RSBN1L: variants seen among roughly 807,000 people sequenced by gnomAD.
RSBN1L encodes the protein round spermatid basic protein 1 like, also known as lysine-specific demethylase RSBN1L.
Under a neutral mutation model 67.7 loss-of-function variants are expected in RSBN1L, and 30 were observed. The observed-to-expected ratio is 0.44, with a 90% CI of 0.33 to 0.60. RSBN1L has a LOEUF of 0.60. RSBN1L is among the 20% of genes least tolerant of loss of function. RSBN1L has a pLI of 0.02. For synonymous variants in RSBN1L, 433 were observed against 387.0 expected, an observed-to-expected ratio of 1.12 and a Z score of -1.39; for missense variants, 992 against 1,031.7, an observed-to-expected ratio of 0.96 and a Z score of 0.53.
intron 2 of RSBN1L, among the ~76,000 whole-genome samples, chr7:77,739,957 G>T (rs1265154140): frequency 6.6e-6 from 1 of 150,982 alleles, no homozygotes; most frequent in Admixed American, 6.6e-5. Context: ...TCACCATGTT[G>T]CCCAGGCTGA....
rs1404527891 is a variant in RSBN1L, at chr7:77,780,207, A to G, written c.*1039A>G. 2 of 152,014 alleles carry G rather than the reference A, an allele frequency of 1.3e-5. No individual in the cohort carries two copies. The highest frequency in any genetic ancestry group is 2.9e-5 in the Non-Finnish European group (2 of 68,008). The allele number at this position is 152,014 out of a possible 1,614,324, so 9.4% of individuals were successfully genotyped here. A position where few individuals can be genotyped will look rare whatever the true frequency, so the allele number is the denominator to read the frequency against. On this transcript the variant is annotated 3_prime_UTR_variant, in exon 8 of 8. Coordinates refer to ENST00000334955, the MANE Select transcript of RSBN1L (RefSeq NM_198467.3). ...TGTGTGTGAATGTGTATATATATGT[A>G]TATATATATCATATTTTGCATAATT...
chr7:77,746,027 G>A (rs1351413558), intron 2 of RSBN1L, among the ~76,000 whole-genome samples: 2 of 152,290 alleles, frequency 1.3e-5, no homozygotes, highest in African/African-American at 4.8e-5. Flanking sequence ...ATGAAGCTTC[G>A]CTGGCTCGCC....
intron 1 of RSBN1L, among the ~76,000 whole-genome samples, chr7:77,706,537 C>T (rs576868808): frequency 6.6e-6 from 1 of 152,080 alleles, no homozygotes. Context: ...GTTAATTATC[C>T]CAGCCTAACC....
chr7:77,749,728 C>T lies in RSBN1L; in HGVS notation c.1008C>T (p.Asn336=). The change falls in exon 3 of 8, where the codon AAC becomes AAT. Residue 336 remains asparagine (N), a synonymous_variant. Transcript: ENST00000334955. ...TAAAGGAGCCACGAGTTCAGAATAA[C>T]CTCAAAAGGTTGGACACTTTGGAAT... ...VSLKEPRVQN[N]LKRLDTLEFK... 6.2e-7 allele frequency: 1 copy of T among 1,614,094 alleles called. No individual in the cohort carries two copies. Among genetic ancestry groups the T allele is most frequent in the Non-Finnish European group, 8.5e-7 (1 of 1,179,964 alleles).
chr7:77,725,243 A>ATTTTTTTTTTTT (rs1554338354), intron 1 of RSBN1L, among the ~76,000 whole-genome samples: 7 of 57,908 alleles, frequency 1.2e-4, no homozygotes, highest in South Asian at 6.0e-4. Context: ...TAAGCCCCCC[A>ATTTTTTTTTTTT]CTTTTTTTTT....
intron 3 of RSBN1L, among the ~76,000 whole-genome samples, chr7:77,763,750 T>TGGCCTGA (rs1479224881): frequency 3.9e-5 from 6 of 152,280 alleles, no homozygotes; most frequent in African/African-American, 1.4e-4. Flanking sequence ...TGGAGTGCAG[T>TGGCCTGA]GGCCTGATGA....
intron 5 of RSBN1L, among the ~76,000 whole-genome samples, chr7:77,771,994 A>G (rs1791856521): frequency 6.6e-6 from 1 of 152,126 alleles, no homozygotes; most frequent in African/African-American, 2.4e-5. Context: ...TATATATGAT[A>G]ATAATAGTCT....
At chr7:77,710,868 A>G (rs1420874466) in intron 1 of RSBN1L, among the ~76,000 whole-genome samples, 2 of 152,090 alleles carry the variant, frequency 1.3e-5, no homozygotes, top group Non-Finnish European at 2.9e-5. Context: ...AGTGCTATAC[A>G]GGCTTAAGCC....
chr7:77,765,769 C>T (rs887824120), intron 4 of RSBN1L, 137 bp downstream of exon 4: 13 of 652,604 alleles, frequency 2.0e-5, no homozygotes, highest in African/African-American at 1.7e-4. Context: ...GAAATAGAAA[C>T]GTTTTGGTTT....
intron 1 of RSBN1L, among the ~76,000 whole-genome samples, chr7:77,707,629 T>G (rs1301740702): frequency 2.0e-5 from 3 of 152,206 alleles, no homozygotes; most frequent in African/African-American, 4.8e-5. Flanking sequence ...GTGATGAATT[T>G]TATATCTTAA....
chr7:77,766,906 C>G (rs1791772463), intron 4 of RSBN1L, among the ~76,000 whole-genome samples: 1 of 152,170 alleles, frequency 6.6e-6, no homozygotes, highest in South Asian at 2.1e-4. Flanking sequence ...AATTAGGTTG[C>G]ATTTATTATT....
chr7:77,754,436 T>G (rs1376879761), intron 3 of RSBN1L, among the ~76,000 whole-genome samples: 1 of 152,236 alleles, frequency 6.6e-6, no homozygotes, highest in Non-Finnish European at 1.5e-5. Context: ...TTCATTTGTC[T>G]TTTTATTTTC....
intron 2 of RSBN1L, among the ~76,000 whole-genome samples, chr7:77,738,950 AAAC>A (rs1791371786): frequency 6.6e-6 from 1 of 152,200 alleles, no homozygotes; most frequent in Non-Finnish European, 1.5e-5. Flanking sequence ...AAAAAACAAA[AAAC>A]AAAAAACACC....
At chr7:77,732,487 C>T (rs749491420) in intron 1 of RSBN1L, among the ~76,000 whole-genome samples, 1 of 152,144 alleles carries the variant, frequency 6.6e-6, no homozygotes, top group Non-Finnish European at 1.5e-5. Context: ...CACCCGCCAC[C>T]ATGCCCAGCT....
intron 1 of RSBN1L, among the ~76,000 whole-genome samples, chr7:77,709,779 C>G (rs1238603998): frequency 6.6e-6 from 1 of 152,108 alleles, no homozygotes; most frequent in Non-Finnish European, 1.5e-5. Flanking sequence ...GCTAATTGCC[C>G]TGGTATTTTT....
intron 1 of RSBN1L, among the ~76,000 whole-genome samples, chr7:77,736,124 ATT>A (rs1791333258): frequency 6.6e-6 from 1 of 152,154 alleles, no homozygotes; most frequent in African/African-American, 2.4e-5. Flanking sequence ...AAAGTTAGTT[ATT>A]TTAAGTGATT....
chr7:77,758,266 C>T (rs1183719845), intron 3 of RSBN1L, among the ~76,000 whole-genome samples: 1 of 152,158 alleles, frequency 6.6e-6, no homozygotes, highest in Non-Finnish European at 1.5e-5. Context: ...GATTCTTGTG[C>T]CTCAGTCACC....
chr7:77,779,122 C>G lies in RSBN1L; in HGVS notation c.2495C>G (p.Ser832Ter). ...CTAGTTGATACAAGGCAACACAGTTCAGCACATTCAAATCAAGATAAAAAA... is the reference window on the plus strand; with the variant it reads ...CTAGTTGATACAAGGCAACACAGTTGAGCACATTCAAATCAAGATAAAAAA... ...LSLVDTRQHS[S>*]AHSNQDKKDD... Residue 832 changes from serine (S) to a stop codon, truncating the protein, a stop_gained, in exon 8 of 8, where the codon TCA becomes TGA. Coordinates refer to ENST00000334955, the MANE Select transcript of RSBN1L (RefSeq NM_198467.3). LOFTEE classifies it high-confidence loss of function. 2 of 1,604,096 alleles carry G rather than the reference C, an allele frequency of 1.2e-6. No homozygotes were observed. The highest frequency in any genetic ancestry group is 1.3e-5 in the African/African-American group (1 of 74,364).
chr7:77,738,172 T>A (rs1291738129), intron 2 of RSBN1L, among the ~76,000 whole-genome samples: 2 of 152,232 alleles, frequency 1.3e-5, no homozygotes, highest in African/African-American at 2.4e-5. Context: ...AGAAGGAATC[T>A]GTTTTAGAAA....
Sources: gnomAD v4.1 joint callset for allele counts (sites outside exome capture counted in the v4.1 genomes callset) on GRCh38, gnomAD v4.1.1 for gene constraint, MANE v1.5 for transcripts, NCBI Gene and HGNC (gene_info 2026-07-23, HGNC 2026-07-21) for gene names.